BANP: variants seen among roughly 807,000 people sequenced by gnomAD.
BANP encodes BTG3 associated nuclear protein.
Under a neutral mutation model 68.1 loss-of-function variants are expected in BANP, and 11 were observed. That is an observed-to-expected ratio of 0.16 (90% CI 0.10 to 0.27). The LOEUF (loss-of-function observed/expected upper bound fraction) is 0.27, where lower values mean the gene tolerates loss of function less well. BANP is among the 10% of genes least tolerant of loss of function. The pLI is 1.00. For synonymous variants in BANP, 329 were observed against 303.2 expected (o/e 1.09, Z -0.88); for missense variants, 504 against 722.7 (o/e 0.70, Z 3.47).
At position 88,057,789 on chromosome 16, in the gene BANP, C is replaced by T. The variant is rs953775539; in HGVS notation, c.1312-7478C>T. Among the ~76,000 whole-genome samples, 26 of 151,874 alleles carry T rather than the reference C, an allele frequency of 1.7e-4. No homozygotes were observed. The East Asian group carries it at 5.1e-3, about 30-fold the overall frequency. ...GGTGCGTGCAGTGACTCGCGCTGGC[C>T]CTGTCCCCGCACCCTGGACTCCAGG... On this transcript the variant is annotated intron_variant, in intron 11 of 13. Coordinates refer to ENST00000682872, the MANE Select transcript of BANP (RefSeq NM_001386991.1). This position sits in a 1 kb window ranked among gnomAD's most constrained non-coding sequence, Gnocchi z 4.6.
At position 87,975,032 on chromosome 16, in the gene BANP, T is replaced by C; in HGVS notation, c.-68-16T>C. ...TGGTTAATGTCCTCTCCTCCTCCTTTGCTTCTGTTTGGTAGGTGACCAAAA... is the reference window on the plus strand; with the variant it reads ...TGGTTAATGTCCTCTCCTCCTCCTTCGCTTCTGTTTGGTAGGTGACCAAAA... On this transcript the variant is annotated splice_polypyrimidine_tract_variant and intron_variant, in intron 1 of 13. Transcript: ENST00000682872. 1 of 1,164,758 alleles carries C rather than the reference T, an allele frequency of 8.6e-7. No homozygotes were observed. The highest frequency in any genetic ancestry group is 1.8e-5 in the Admixed American group (1 of 55,780). The allele number at this position is 1,164,758 out of a possible 1,614,324, so 72.2% of individuals were successfully genotyped here.
At chr16:88,030,664 G>T (rs1030184534) in intron 8 of BANP, among the ~76,000 whole-genome samples, 2 of 152,240 alleles carry the variant, frequency 1.3e-5, no homozygotes, top group African/African-American at 4.8e-5. Flanking sequence ...CAGAGCATTT[G>T]CACAGGAGTA....
chr16:87,980,958 T>G, intron 2 of BANP, 78 bp from the exon 3 acceptor site: 1 of 975,090 alleles, frequency 1.0e-6, no homozygotes, highest in South Asian at 1.3e-5. Context: ...GTGTCAGCAC[T>G]GTTTACTATC....
rs768971487 is a variant in BANP at position 88,018,493 on chromosome 16, A to G, written c.721A>G (p.Ile241Val). The change falls in exon 7 of 14, where the codon ATC becomes GTC. Residue 241 changes from isoleucine to valine, a missense_variant. Around this residue, in one of 3 missense-constraint regions of BANP, gnomAD observed 43 missense variants for 197.7 expected, o/e 0.22. Transcript: ENST00000682872. The surrounding 1 kb of genome is among the most constrained non-coding windows in gnomAD (Gnocchi z 7.7). ...NNPEMRVRCA[I>V]IPSDMLHIST... ...CCCCGAGATGCGGGTACGCTGCGCC[A>G]TCATCCCCTCCGACATGCTGCACAT... 1 of 1,613,454 alleles carries G rather than the reference A, an allele frequency of 6.2e-7. No homozygotes were observed.
At chr16:87,989,427 A>G (rs558296348) in intron 4 of BANP, among the ~76,000 whole-genome samples, 1 of 152,346 alleles carries the variant, frequency 6.6e-6, no homozygotes, top group African/African-American at 2.4e-5. Context: ...CAGGGCACGC[A>G]CATGCTCACG....
chr16:88,011,375 C>G (rs1433412248), intron 6 of BANP, among the ~76,000 whole-genome samples: 3 of 152,128 alleles, frequency 2.0e-5, no homozygotes, highest in Non-Finnish European at 4.4e-5. Flanking sequence ...GCTAGAGGCG[C>G]TCAGCTCTCC....
At chr16:88,009,959 C>A (rs1022046739) in intron 6 of BANP, among the ~76,000 whole-genome samples, 7 of 151,828 alleles carry the variant, frequency 4.6e-5, no homozygotes, top group Non-Finnish European at 1.0e-4. Flanking sequence ...ATAAGAAGGA[C>A]TGTAGCTCCT....
At chr16:88,032,013 A>C (rs1032282938) in intron 8 of BANP, among the ~76,000 whole-genome samples, 1 of 152,118 alleles carries the variant, frequency 6.6e-6, no homozygotes, top group Admixed American at 6.6e-5. Context: ...CATGTTGGTC[A>C]GGCTGGTCTC....
intron 13 of BANP, among the ~76,000 whole-genome samples, chr16:88,073,789 C>G (rs997058338): frequency 2.0e-5 from 3 of 152,254 alleles, no homozygotes; most frequent in South Asian, 2.1e-4. Flanking sequence ...TTATAAGTTT[C>G]TGGTCATTTT....
chr16:88,018,415 T>G lies in BANP; in HGVS notation c.656-13T>G. On this transcript the variant is annotated splice_polypyrimidine_tract_variant and intron_variant, in intron 6 of 13. Coordinates refer to ENST00000682872, the MANE Select transcript of BANP (RefSeq NM_001386991.1). This position sits in a 1 kb window ranked among gnomAD's most constrained non-coding sequence, Gnocchi z 7.7. ...AGCCTTGGCCATCTGAGGACCTGTC[T>G]TCTGTTTTTCAGAGGACTACCCCAA... 1 of 1,606,564 alleles carries G rather than the reference T, an allele frequency of 6.2e-7. No individual in the cohort carries two copies.
In BANP at chr16:88,002,887, G is replaced by T. The variant is rs1024802796; in HGVS notation, c.363-1408G>T. Among the ~76,000 whole-genome samples the T allele has an allele frequency of 6.6e-6, 1 of 152,212 alleles. No individual in the cohort carries two copies. The highest frequency in any genetic ancestry group is 1.5e-5 in the Non-Finnish European group (1 of 68,040). On this transcript the variant is annotated intron_variant, in intron 4 of 13. Coordinates refer to ENST00000682872, the MANE Select transcript of BANP (RefSeq NM_001386991.1). This position sits in a 1 kb window ranked among gnomAD's most constrained non-coding sequence, Gnocchi z 4.6. ...ACCGTCCTTCTTCAGTTGCTCATGG[G>T]GGGAGAGAATAAATGCATGTGTGGA...
rs1409990344 is a variant in BANP at position 88,074,251 on chromosome 16, A to G, written c.1521+2039A>G. 3.9e-5 allele frequency among the ~76,000 whole-genome samples: 6 copies of G among 152,316 alleles called. No individual in the cohort carries two copies. In the East Asian group the frequency reaches 9.7e-4, roughly 25 times the overall value. The stretch of plus-strand genomic sequence containing the variant: ...GCTTGGGAATGGTCTTGCATCTTGC[A>G]TGGGTCAGAGCAGGGTCACGCGCTT... On this transcript the variant is annotated intron_variant, in intron 13 of 13. Transcript: ENST00000682872.
chr16:88,010,458 G>T (rs1299996719), intron 6 of BANP, among the ~76,000 whole-genome samples: 1 of 152,212 alleles, frequency 6.6e-6, no homozygotes, highest in South Asian at 2.1e-4. Context: ...GCCAGTGAAG[G>T]CTGGTGAGGC....
chr16:88,013,542 GCTCT>G (rs749165652), intron 6 of BANP, among the ~76,000 whole-genome samples: 8 of 152,148 alleles, frequency 5.3e-5, no homozygotes, highest in Non-Finnish European at 1.0e-4. Context: ...GATGGGACGG[GCTCT>G]CTCTCAGTGT....
At position 87,976,492 on chromosome 16, in the gene BANP, C is replaced by G. The variant is rs377508214; in HGVS notation, c.70+1307C>G. Reference sequence around the variant, plus strand: ...TTAAAAAGTTTTTTTTTTTTTTTGGCCATAAAGTAGTATATGTTTTATTGT... The same window carrying G: ...TTAAAAAGTTTTTTTTTTTTTTTGGGCATAAAGTAGTATATGTTTTATTGT... On this transcript the variant is annotated intron_variant, in intron 2 of 13. Transcript: ENST00000682872. Among the ~76,000 whole-genome samples, 8 of 10,434 alleles carry G rather than the reference C, an allele frequency of 7.7e-4. No homozygotes were observed. In the African/African-American group the frequency reaches 9.2e-3, roughly 12 times the overall value. 6.8% of individuals were successfully genotyped at this position (10,434 alleles called of 152,430 possible).
intron 11 of BANP, among the ~76,000 whole-genome samples, chr16:88,059,506 G>A (rs1035560167): frequency 1.3e-5 from 2 of 152,116 alleles, no homozygotes; most frequent in African/African-American, 4.8e-5. Context: ...ACAGGTATCA[G>A]AGGTTATTGA....
chr16:87,997,057 A>G (rs1379164009), intron 4 of BANP, among the ~76,000 whole-genome samples: 1 of 152,210 alleles, frequency 6.6e-6, no homozygotes, highest in African/African-American at 2.4e-5. Flanking sequence ...GGTTCCCTGA[A>G]GCAGAAGAGA....
chr16:88,013,468 G>C lies in BANP; in HGVS notation c.656-4960G>C, dbSNP rs142577989. Among the ~76,000 whole-genome samples, 1,223 of 148,836 alleles carry C rather than the reference G, an allele frequency of 8.2e-3. 18 individuals carry two copies. Among genetic ancestry groups the C allele is most frequent in the African/African-American group, 0.028 (1,141 of 40,302 alleles). On this transcript the variant is annotated intron_variant, in intron 6 of 13. Transcript: ENST00000682872. ...CGGGCCCTCCCTCAGTGCAGTGTGA[G>C]GTGGGCCCGCCCCATGCCTAGTTCC...
At chr16:88,013,230 C>T (rs2073646206) in intron 6 of BANP, among the ~76,000 whole-genome samples, 1 of 152,246 alleles carries the variant, frequency 6.6e-6, no homozygotes, top group Admixed American at 6.5e-5. Flanking sequence ...GACGTCTGAG[C>T]GCCTCTCCCG....
Sources: allele counts gnomAD v4.1 joint callset (sites outside exome capture counted in the v4.1 genomes callset), GRCh38; gene constraint gnomAD v4.1.1; regional missense constraint gnomAD v4.1.1; non-coding constraint Gnocchi (gnomAD v3.1); transcripts MANE v1.5; gene names NCBI Gene and HGNC (gene_info 2026-07-23, HGNC 2026-07-21).